The following KCNJ16 variants were observed in gnomAD, a reference collection of about 807,000 sequenced individuals.
KCNJ16 encodes inward rectifier potassium channel 16.
A neutral mutation model predicts 18.5 loss-of-function variants in KCNJ16; 15 were observed. The observed-to-expected ratio is 0.81, with a 90% CI of 0.54 to 1.25. The LOEUF is 1.25. Among genes scored for constraint, KCNJ16 ranks in the 50% most tolerant of loss-of-function variants. The probability of loss-of-function intolerance (pLI) is 0.00; values close to 1 mark genes in which losing one functional copy is unlikely to be tolerated. For synonymous variants in KCNJ16, 174 were observed against 186.5 expected, an observed-to-expected ratio of 0.93 and a Z score of 0.55; for missense variants, 523 against 525.7, an observed-to-expected ratio of 0.99 and a Z score of 0.05.
chr17:70,079,775 C>A (rs1185857284), intron 1 of KCNJ16, among the ~76,000 whole-genome samples: 9 of 151,934 alleles, frequency 5.9e-5, no homozygotes, highest in Non-Finnish European at 1.3e-4. Flanking sequence ...TGATCTCGGC[C>A]CACTGCAACC....
chr17:70,118,013 G>T (rs951224029), intron 2 of KCNJ16, among the ~76,000 whole-genome samples: 1 of 152,166 alleles, frequency 6.6e-6, no homozygotes, highest in Non-Finnish European at 1.5e-5. Flanking sequence ...TTGTAAGTTT[G>T]TGTGATGTAG....
intron 2 of KCNJ16, among the ~76,000 whole-genome samples, chr17:70,123,095 G>C (rs1262037825): frequency 6.6e-6 from 1 of 152,074 alleles, no homozygotes; most frequent in East Asian, 1.9e-4. Context: ...CAATGCCCTT[G>C]GTTCAGATAT....
chr17:70,132,410 T>A lies in KCNJ16; in HGVS notation c.323T>A (p.Ile108Asn). 6.2e-7 allele frequency: 1 copy of A among 1,614,210 alleles called. No individual in the cohort carries two copies. The highest frequency in any genetic ancestry group is 8.5e-7 in the Non-Finnish European group (1 of 1,180,028). ...HHGDLLNDPD[I>N]TPCVDNVHSF... ...GGCGATCTATTAAATGATCCAGACA[T>A]CACACCTTGTGTTGACAACGTCCAT... The change falls in exon 4 of 4, where the codon ATC becomes AAC. Residue 108 changes from isoleucine (I) to asparagine (N), a missense_variant. Transcript: ENST00000392671.
intron 1 of KCNJ16, among the ~76,000 whole-genome samples, chr17:70,084,568 G>T (rs2071710221): frequency 6.6e-6 from 1 of 152,148 alleles, no homozygotes; most frequent in African/African-American, 2.4e-5. Flanking sequence ...ATTCATGGTA[G>T]ACATTTTAAT....
intron 2 of KCNJ16, among the ~76,000 whole-genome samples, chr17:70,107,189 T>C (rs906908424): frequency 7.9e-5 from 12 of 152,234 alleles, no homozygotes; most frequent in African/African-American, 2.7e-4. Flanking sequence ...TGAGTTCACA[T>C]AGGCAAATGT....
At chr17:70,101,234 A>C (rs1472853745) in intron 2 of KCNJ16, 1 of 152,142 alleles carries the variant, frequency 6.6e-6, no homozygotes, top group Non-Finnish European at 1.5e-5. Context: ...GGATGCTGTT[A>C]AACTAAATGC....
rs533233609 is a variant in KCNJ16 at position 70,115,555 on chromosome 17, C to T, written c.-191+14789C>T. ...TAAGATAAAAGAAAGATTGTTAAAA[C>T]AGACATTGTTACACAAGCCAAGAAA... On this transcript the variant is annotated intron_variant, in intron 2 of 3. Transcript: ENST00000392671. 2.6e-5 allele frequency among the ~76,000 whole-genome samples: 4 copies of T among 152,184 alleles called. No homozygotes were observed. In the East Asian group the frequency reaches 5.8e-4, roughly 22 times the overall value.
At position 70,132,630 on chromosome 17, in the gene KCNJ16, C is replaced by T. The variant is rs748708251; in HGVS notation, c.543C>T (p.Thr181=). ...KMATARKRAQ[T]IRFSYFALIG... is the part of the protein sequence containing the mutation. ...CAACTGCTCGAAAGAGAGCCCAAAC[C>T]ATTCGTTTCAGCTACTTTGCACTTA... The change falls in exon 4 of 4, where the codon ACC becomes ACT. Residue 181 remains threonine (T), a synonymous_variant. Coordinates refer to ENST00000392671, the MANE Select transcript of KCNJ16 (RefSeq NM_170741.4). 6.2e-7 allele frequency: 1 copy of T among 1,614,060 alleles called. No individual in the cohort carries two copies. The highest frequency in any genetic ancestry group is 8.5e-7 in the Non-Finnish European group (1 of 1,180,048).
At chr17:70,127,382 C>T (rs1428783422) in intron 2 of KCNJ16, among the ~76,000 whole-genome samples, 4 of 151,916 alleles carry the variant, frequency 2.6e-5, no homozygotes, top group African/African-American at 4.8e-5. Context: ...TCCACCTAAG[C>T]GGGTCTGAAT....
intron 2 of KCNJ16, among the ~76,000 whole-genome samples, chr17:70,103,324 A>ACACACACACAT (rs142139198): frequency 8.8e-6 from 1 of 113,348 alleles, no homozygotes; most frequent in African/African-American, 3.3e-5. Context: ...ATATATATAC[A>ACACACACACAT]CACACATATA....
intron 2 of KCNJ16, among the ~76,000 whole-genome samples, chr17:70,118,589 G>A (rs2073506848): frequency 2.0e-5 from 3 of 152,148 alleles, no homozygotes; most frequent in Non-Finnish European, 2.9e-5. Flanking sequence ...ATCACATGGT[G>A]AAAGCAGGAG....
intron 1 of KCNJ16, among the ~76,000 whole-genome samples, chr17:70,098,748 T>C (rs768985050): frequency 1.3e-5 from 2 of 152,162 alleles, no homozygotes; most frequent in African/African-American, 2.4e-5. Flanking sequence ...CCTCCACTCA[T>C]AGTAGCTTTG....
chr17:70,078,187 A>C (rs1453624978), intron 1 of KCNJ16, among the ~76,000 whole-genome samples: 1 of 152,222 alleles, frequency 6.6e-6, no homozygotes, highest in African/African-American at 2.4e-5. Flanking sequence ...ACATTCTAAT[A>C]GAGGCTTCTC....
intron 2 of KCNJ16, among the ~76,000 whole-genome samples, chr17:70,130,668 C>T (rs908185831): frequency 6.6e-6 from 1 of 152,138 alleles, no homozygotes; most frequent in Admixed American, 6.5e-5. Flanking sequence ...TGATGAATTT[C>T]CCTGGTTAGT....
rs531834068 is a variant in KCNJ16 at position 70,097,846 on chromosome 17, A to T, written c.-299-2812A>T. ...TTTCCTTCATTATGGATTTCTAATT[A>T]TTGTTGATTCTGACTTCCAAGTCCC... On this transcript the variant is annotated intron_variant, in intron 1 of 3. Coordinates refer to ENST00000392671, the MANE Select transcript of KCNJ16 (RefSeq NM_170741.4). Among the ~76,000 whole-genome samples the T allele has an allele frequency of 4.4e-3, 662 of 152,086 alleles. 4 individuals are homozygous for T. The highest frequency in any genetic ancestry group is 6.8e-3 in the Non-Finnish European group (464 of 67,996).
chr17:70,133,006 G>A lies in KCNJ16; in HGVS notation c.919G>A (p.Gly307Ser). 2 of 1,613,936 alleles carry A rather than the reference G, an allele frequency of 1.2e-6. No homozygotes were observed. Among genetic ancestry groups the A allele is most frequent in the East Asian group, 2.2e-5 (1 of 44,886 alleles). Residue 307 changes from glycine (G) to serine (S), a missense_variant, in exon 4 of 4, where the codon GGC becomes AGC. Coordinates refer to ENST00000392671, the MANE Select transcript of KCNJ16 (RefSeq NM_170741.4). ...CTATGTTCCCCGAGAAATTCTCTGG[G>A]GCCATAGGTTTAATGATGTCTTGGA... ...SSYVPREILW[G>S]HRFNDVLEVK...
chr17:70,122,260 C>T (rs2073671794), intron 2 of KCNJ16, among the ~76,000 whole-genome samples: 1 of 151,914 alleles, frequency 6.6e-6, no homozygotes, highest in Admixed American at 6.6e-5. Flanking sequence ...GCAAGCTCCA[C>T]CTCGCAGGTT....
At chr17:70,123,001 C>G (rs560023107) in intron 2 of KCNJ16, among the ~76,000 whole-genome samples, 3 of 152,306 alleles carry the variant, frequency 2.0e-5, no homozygotes, top group African/African-American at 7.2e-5. Flanking sequence ...TGGTTTACCT[C>G]CCTCCTTCTG....
At chr17:70,088,021 C>CA (rs10661960) in intron 1 of KCNJ16, among the ~76,000 whole-genome samples, 3,783 of 79,372 alleles carry the variant, frequency 0.048, 196 homozygotes, top group Admixed American at 0.063. Context: ...GACTCTGTCT[C>CA]AAAAAAAAAA....
Sources: allele counts gnomAD v4.1 joint callset (sites outside exome capture counted in the v4.1 genomes callset), GRCh38; gene constraint gnomAD v4.1.1; transcripts MANE v1.5; gene names NCBI Gene and HGNC (gene_info 2026-07-23, HGNC 2026-07-21).